The following SESN1 variants were observed in gnomAD, a reference collection of about 807,000 sequenced individuals.
The protein encoded by SESN1 is sestrin-1.
A neutral mutation model predicts 59.3 loss-of-function variants in SESN1; 30 were observed. The observed-to-expected ratio is 0.51, with a 90% confidence interval of 0.38 to 0.69. The LOEUF (loss-of-function observed/expected upper bound fraction) is 0.69. Among genes scored for constraint, SESN1 ranks in the 30% least tolerant of loss-of-function variants. SESN1 has a pLI of 0.00. For missense variants in SESN1, 566 were observed against 673.0 expected (o/e 0.84, Z 1.76); for synonymous variants, 197 against 219.9 (o/e 0.90, Z 0.92).
chr6:109,036,699 G>T (rs1780253593), intron 1 of SESN1, among the ~76,000 whole-genome samples: 1 of 152,082 alleles, frequency 6.6e-6, no homozygotes, highest in Non-Finnish European at 1.5e-5. Flanking sequence ...AGACAACTCT[G>T]CTTAAGCCTA....
chr6:109,074,844 T>C (rs1781005289), intron 1 of SESN1, among the ~76,000 whole-genome samples: 1 of 152,238 alleles, frequency 6.6e-6, no homozygotes, highest in South Asian at 2.1e-4. Flanking sequence ...TTCCTACCTT[T>C]TGGACAAATG....
intron 1 of SESN1, among the ~76,000 whole-genome samples, chr6:109,050,316 A>G (rs952662417): frequency 1.3e-5 from 2 of 151,954 alleles, no homozygotes; most frequent in Admixed American, 6.6e-5. Flanking sequence ...CAGTCAAAAC[A>G]TTCAGCGGCT....
At chr6:109,068,122 C>T (rs1437058017) in intron 1 of SESN1, among the ~76,000 whole-genome samples, 1 of 152,132 alleles carries the variant, frequency 6.6e-6, no homozygotes, top group Non-Finnish European at 1.5e-5. Context: ...CAGTGACTTC[C>T]AGATGTCACT....
chr6:109,004,556 G>A (rs751419897), intron 1 of SESN1, among the ~76,000 whole-genome samples: 1 of 151,500 alleles, frequency 6.6e-6, no homozygotes, highest in Non-Finnish European at 1.5e-5. Flanking sequence ...CCTGTCTCCC[G>A]AGTAGCTAGG....
At chr6:108,988,370 C>T (rs1419077978) in intron 9 of SESN1, 173 bp downstream of exon 9, 1 of 522,250 alleles carries the variant, frequency 1.9e-6, no homozygotes, top group Admixed American at 3.9e-5. Context: ...TTCTTTTACT[C>T]TATCAACATA....
chr6:109,039,021 GAA>G (rs1367112004), intron 1 of SESN1, among the ~76,000 whole-genome samples: 1 of 142,630 alleles, frequency 7.0e-6, no homozygotes, highest in African/African-American at 2.7e-5. Context: ...GAGAAAGAAA[GAA>G]AAAGAGAAAG....
At chr6:109,000,089 AC>A (rs1779582708) in intron 4 of SESN1, 1 of 153,578 alleles carries the variant, frequency 6.5e-6, no homozygotes, top group Non-Finnish European at 1.4e-5. Context: ...AAAAGGCAAA[AC>A]TATATAGAAA....
At position 109,094,197 on chromosome 6, in the gene SESN1, A is replaced by C; in HGVS notation, c.-124T>G. On this transcript the variant is annotated 5_prime_UTR_variant, in exon 1 of 10. Coordinates refer to ENST00000436639, the MANE Select transcript of SESN1 (RefSeq NM_014454.3). ...AGAAATCAAATCGTCATGAAAACAC[A>C]CATCTGGGTGACATTTGGAACCACT... 9.1e-7 allele frequency: 1 copy of C among 1,096,702 alleles called. No homozygotes were observed. The highest frequency in any genetic ancestry group is 1.3e-6 in the Non-Finnish European group (1 of 773,434). The allele number at this position is 1,096,702 out of a possible 1,614,324, so 67.9% of individuals were successfully genotyped here.
At chr6:109,047,061 C>T (rs1296976616) in intron 1 of SESN1, among the ~76,000 whole-genome samples, 1 of 1,918 alleles carries the variant, frequency 5.2e-4, no homozygotes, top group Non-Finnish European at 9.5e-4. Flanking sequence ...GCCCTCCACC[C>T]GGCCAGCCGC....
intron 1 of SESN1, among the ~76,000 whole-genome samples, chr6:109,078,065 A>G (rs1781059894): frequency 6.6e-6 from 1 of 152,144 alleles, no homozygotes; most frequent in African/African-American, 2.4e-5. Flanking sequence ...TCTTCTCTAT[A>G]ATAATAAATA....
intron 1 of SESN1, chr6:109,008,674 G>T (rs570360049): frequency 8.3e-6 from 5 of 601,778 alleles, no homozygotes; most frequent in South Asian, 7.3e-5. Flanking sequence ...TTTACCTAAG[G>T]TTACATTAGT....
At chr6:109,054,974 C>G (rs1024772209) in intron 1 of SESN1, among the ~76,000 whole-genome samples, 2 of 152,088 alleles carry the variant, frequency 1.3e-5, no homozygotes, top group Non-Finnish European at 2.9e-5. Flanking sequence ...GAGGTAGGTC[C>G]AAATTTTATA....
intron 1 of SESN1, among the ~76,000 whole-genome samples, chr6:109,021,972 T>C (rs1780018274): frequency 6.6e-6 from 1 of 152,178 alleles, no homozygotes; most frequent in Admixed American, 6.5e-5. Context: ...TAAAAATTTA[T>C]ATATGTGGAT....
chr6:108,991,228 AGTGTGTGT>A (rs112709389), intron 7 of SESN1, among the ~76,000 whole-genome samples: 19 of 148,148 alleles, frequency 1.3e-4, no homozygotes, highest in African/African-American at 4.4e-4. Context: ...TCAAATTATG[AGTGTGTGT>A]GTGTGTGTGT....
intron 1 of SESN1, among the ~76,000 whole-genome samples, chr6:109,084,906 G>C (rs1781187145): frequency 6.6e-6 from 1 of 151,954 alleles, no homozygotes; most frequent in Non-Finnish European, 1.5e-5. Flanking sequence ...GCCACAAACT[G>C]TGAGTCTACT....
chr6:109,001,556 G>A, intron 2 of SESN1, 68 bp from the exon 3 acceptor site: 1 of 1,315,716 alleles, frequency 7.6e-7, no homozygotes, highest in Non-Finnish European at 1.1e-6. Flanking sequence ...AAATATACAT[G>A]CGCTACACTC....
Position 109,014,157 on chromosome 6 carries a change from G to A in SESN1, c.280-11814C>T, listed in dbSNP as rs138918444. Among the ~76,000 whole-genome samples the A allele has an allele frequency of 9.0e-3, 1,368 of 152,178 alleles. 7 individuals are homozygous for A. The highest frequency in any genetic ancestry group is 0.024 in the Middle Eastern group (7 of 294). ...TTTCTACATAGCTGTTTAGAAATAT[G>A]AGGCATCACCAATATTTGTAAATAA... On this transcript the variant is annotated intron_variant, in intron 1 of 9. Coordinates refer to ENST00000436639, the MANE Select transcript of SESN1 (RefSeq NM_014454.3).
intron 8 of SESN1, among the ~76,000 whole-genome samples, chr6:108,989,664 A>T (rs964930207): frequency 6.6e-6 from 1 of 151,960 alleles, no homozygotes; most frequent in African/African-American, 2.4e-5. Context: ...AAATAATTAG[A>T]ATTACTTTAC....
intron 1 of SESN1, among the ~76,000 whole-genome samples, chr6:109,009,154 A>G (rs1243235731): frequency 6.6e-6 from 1 of 151,998 alleles, no homozygotes; most frequent in Non-Finnish European, 1.5e-5. Flanking sequence ...TCTCCCACCC[A>G]CCGCAGGCAA....
Sources: allele counts gnomAD v4.1 joint callset (sites outside exome capture counted in the v4.1 genomes callset), GRCh38; gene constraint gnomAD v4.1.1; transcripts MANE v1.5; gene names NCBI Gene and HGNC (gene_info 2026-07-23, HGNC 2026-07-21).